SMG7: variants seen among roughly 807,000 people sequenced by gnomAD.
The protein encoded by SMG7 is nonsense-mediated mRNA decay factor SMG7.
In SMG7, 34 loss-of-function variants were observed where a neutral mutation model predicts 148.2. The observed-to-expected ratio is 0.23, with a 90% CI of 0.17 to 0.31. SMG7 has a LOEUF of 0.31. SMG7 is among the 10% of genes least tolerant of loss of function. SMG7 has a pLI of 1.00. For synonymous variants in SMG7, 492 were observed against 515.1 expected, an observed-to-expected ratio of 0.96 and a Z score of 0.61; for missense variants, 1,114 against 1,408.4, an observed-to-expected ratio of 0.79 and a Z score of 3.35.
chr1:183,531,770 A>G (rs1666910876), intron 8 of SMG7, among the ~76,000 whole-genome samples: 1 of 152,194 alleles, frequency 6.6e-6, no homozygotes, highest in Non-Finnish European at 1.5e-5. Context: ...CAGGAAATAC[A>G]TTACCATATT....
chr1:183,525,069 C>T (rs543892701), intron 4 of SMG7, among the ~76,000 whole-genome samples: 57 of 152,102 alleles, frequency 3.7e-4, no homozygotes, highest in Non-Finnish European at 6.0e-4. Context: ...ATTTGAATGA[C>T]GATATTTGTA....
At position 183,542,311 on chromosome 1, in the gene SMG7, A is replaced by G. The variant is rs755192116; in HGVS notation, c.1651A>G (p.Ile551Val). The change falls in exon 14 of 23, where the codon ATT becomes GTT. Residue 551 changes from isoleucine (I) to valine (V), a missense_variant. By Grantham distance (29) the Ile-to-Val change is conservative. Around this residue, in one of 4 missense-constraint regions of SMG7, gnomAD observed 788 missense variants for 894.5 expected, o/e 0.88. Coordinates refer to ENST00000688051, the MANE Select transcript of SMG7 (RefSeq NM_001375584.1). ...GCCAGTGGTTACCTTCAAAGAAAAC[A>G]TTAAGACACGAGAAGTGAACAGAGA... ...EKPVVTFKENIKTREVNRDQG... is the reference protein window; with the variant it reads ...EKPVVTFKENVKTREVNRDQG... 4 of 1,614,070 alleles carry G rather than the reference A, an allele frequency of 2.5e-6. No individual in the cohort carries two copies. The Admixed American group carries it at 5.0e-5, about 20-fold the overall frequency.
rs1018912831 is a variant in SMG7 at position 183,553,072 on chromosome 1, C to T, written c.*1141C>T. 1 of 1,536,240 alleles carries T rather than the reference C, an allele frequency of 6.5e-7. No homozygotes were observed. The highest frequency in any genetic ancestry group is 1.2e-5 in the South Asian group (1 of 84,062). ...GCGTAGCCCACAGAGGGCCCAGGCC[C>T]CTGCCCAGCTGCAGTCTCCCAGCCT... On this transcript the variant is annotated 3_prime_UTR_variant, in exon 23 of 23. Coordinates refer to ENST00000688051, the MANE Select transcript of SMG7 (RefSeq NM_001375584.1).
At position 183,472,546 on chromosome 1, in the gene SMG7, T is replaced by G. The variant is rs1417750028; in HGVS notation, c.-75T>G. Reference sequence around the variant, plus strand: ...TGGCGGCGGCCGCCAGCACCCGCGGTGCCGCGGGGCCGCTCCGAGGAGCCT... The same window carrying G: ...TGGCGGCGGCCGCCAGCACCCGCGGGGCCGCGGGGCCGCTCCGAGGAGCCT... On this transcript the variant is annotated 5_prime_UTR_variant, in exon 1 of 23. Coordinates refer to ENST00000688051, the MANE Select transcript of SMG7 (RefSeq NM_001375584.1). 4.5e-6 allele frequency: 6 copies of G among 1,322,782 alleles called. No individual in the cohort carries two copies. Among genetic ancestry groups the G allele is most frequent in the African/African-American group, 3.1e-5 (2 of 64,814 alleles). The allele number at this position is 1,322,782 out of a possible 1,614,324, so 81.9% of individuals were successfully genotyped here. A position where few individuals can be genotyped will look rare whatever the true frequency, so the allele number is the denominator to read the frequency against.
intron 6 of SMG7, 131 bp from the exon 7 acceptor site, chr1:183,528,761 A>G: frequency 2.6e-6 from 2 of 767,228 alleles, no homozygotes; most frequent in Admixed American, 2.4e-5. Flanking sequence ...CTGGTTTGCA[A>G]TGAGGCAGTC....
intron 1 of SMG7, among the ~76,000 whole-genome samples, chr1:183,498,087 A>G (rs981265466): frequency 3.3e-5 from 5 of 152,202 alleles, no homozygotes; most frequent in Admixed American, 2.0e-4. Context: ...AATTTATAGA[A>G]TATTTTATTT....
chr1:183,516,040 A>G (rs751300252), intron 3 of SMG7, 49 bp downstream of exon 3: 6 of 1,143,778 alleles, frequency 5.2e-6, no homozygotes, highest in Admixed American at 4.0e-5. Flanking sequence ...CAAGAATTTC[A>G]CCGAGACTTT....
rs1466488141 is a variant in SMG7, at chr1:183,533,917, C to T, written c.1163+85C>T. On this transcript the variant is annotated intron_variant, in intron 10 of 22. Coordinates refer to ENST00000688051, the MANE Select transcript of SMG7 (RefSeq NM_001375584.1). ...TATGTAAAAACTGCCTTCTAAAATA[C>T]AACATTTGAACAATAGAATACTGTA... 3.5e-6 allele frequency: 4 copies of T among 1,156,066 alleles called. No individual in the cohort carries two copies. In the Admixed American group the frequency reaches 7.9e-5, roughly 23 times the overall value. 71.6% of individuals were successfully genotyped at this position (1,156,066 alleles called of 1,614,324 possible). A position where few individuals can be genotyped will look rare whatever the true frequency, so the allele number is the denominator to read the frequency against.
At position 183,553,656 on chromosome 1, in the gene SMG7, G is replaced by T; in HGVS notation, c.*1725G>T. On this transcript the variant is annotated 3_prime_UTR_variant, in exon 23 of 23. Coordinates refer to ENST00000688051, the MANE Select transcript of SMG7 (RefSeq NM_001375584.1). ...CATTATTGCTCTTTTAGTTTGACAT[G>T]GTGTTTGGGTTTTGTTTTTTTGAAA... 6.6e-6 allele frequency: 1 copy of T among 151,346 alleles called. No individual in the cohort carries two copies. The highest frequency in any genetic ancestry group is 1.4e-5 in the Non-Finnish European group (1 of 70,804). 9.4% of individuals were successfully genotyped at this position (151,346 alleles called of 1,614,324 possible).
intron 4 of SMG7, among the ~76,000 whole-genome samples, chr1:183,522,190 T>G (rs1664914204): frequency 6.6e-6 from 1 of 152,178 alleles, no homozygotes; most frequent in East Asian, 1.9e-4. Flanking sequence ...CTGTTTGACA[T>G]CTAAGTAGAG....
At chr1:183,509,255 T>A (rs1162322160) in intron 1 of SMG7, among the ~76,000 whole-genome samples, 5 of 152,224 alleles carry the variant, frequency 3.3e-5, no homozygotes, top group African/African-American at 1.2e-4. Flanking sequence ...GTGGTCCTTT[T>A]GATAAAAATT....
intron 20 of SMG7, among the ~76,000 whole-genome samples, chr1:183,550,414 A>G (rs986790375): frequency 2.0e-5 from 3 of 152,222 alleles, no homozygotes; most frequent in African/African-American, 7.2e-5. Context: ...GTCTGACTTA[A>G]TAGTAATTCT....
chr1:183,548,315 A>G (rs1670299794), intron 18 of SMG7, among the ~76,000 whole-genome samples: 2 of 152,296 alleles, frequency 1.3e-5, no homozygotes, highest in Admixed American at 6.5e-5. Context: ...CTCAGCTGCT[A>G]TACTGTTGCC....
chr1:183,484,786 A>G (rs1655023095), intron 1 of SMG7, among the ~76,000 whole-genome samples: 1 of 152,132 alleles, frequency 6.6e-6, no homozygotes, highest in South Asian at 2.1e-4. Flanking sequence ...ATGTGATTTT[A>G]TTATTTTATA....
intron 14 of SMG7, among the ~76,000 whole-genome samples, chr1:183,543,116 A>C (rs1415850167): frequency 6.6e-6 from 1 of 152,074 alleles, no homozygotes; most frequent in East Asian, 1.9e-4. Context: ...AAAGATAAGC[A>C]CTGCTCAGTT....
At chr1:183,501,620 C>T (rs972133050) in intron 1 of SMG7, among the ~76,000 whole-genome samples, 1 of 152,142 alleles carries the variant, frequency 6.6e-6, no homozygotes, top group African/African-American at 2.4e-5. Context: ...GTGTGACTCC[C>T]AAAGCCATGC....
At chr1:183,526,156 A>ATATTT (rs1369384362) in intron 4 of SMG7, among the ~76,000 whole-genome samples, 61 of 96,642 alleles carry the variant, frequency 6.3e-4, no homozygotes, top group African/African-American at 1.5e-3. Context: ...ATATATATAT[A>ATATTT]TTTTTTTTTT....
At chr1:183,521,858 CA>C (rs35144368) in intron 4 of SMG7, among the ~76,000 whole-genome samples, 233 of 129,118 alleles carry the variant, frequency 1.8e-3, no homozygotes, top group Middle Eastern at 4.4e-3. Flanking sequence ...GACCTTGTCT[CA>C]AAAAAAAAAA....
At chr1:183,512,899 A>G (rs747888716) in intron 2 of SMG7, 31 bp downstream of exon 2, 7 of 1,546,284 alleles carry the variant, frequency 4.5e-6, no homozygotes, top group Admixed American at 4.0e-5. Context: ...TTTTCACAAC[A>G]TATTTTATAT....
Sources: gnomAD v4.1 joint callset for allele counts (sites outside exome capture counted in the v4.1 genomes callset) on GRCh38, gnomAD v4.1.1 for gene constraint, gnomAD v4.1.1 regional missense constraint, MANE v1.5 for transcripts, NCBI Gene and HGNC (gene_info 2026-07-23, HGNC 2026-07-21) for gene names.